NLRC5: variants seen among roughly 807,000 people sequenced by gnomAD.
NLRC5 encodes the protein NLR family CARD domain containing 5.
NLRC5 carries 114 observed loss-of-function variants against 206.9 expected under a neutral mutation model. The ratio of observed to expected loss-of-function variants is 0.55; its 90% CI spans 0.47 to 0.64. The LOEUF is 0.64. Among genes scored for constraint, NLRC5 ranks in the 30% least tolerant of loss-of-function variants. The pLI, the probability that NLRC5 is intolerant of heterozygous loss-of-function variation, is 0.00. For synonymous variants in NLRC5, 952 were observed against 962.8 expected, an observed-to-expected ratio of 0.99 and a Z score of 0.21; for missense variants, 2,008 against 2,305.5, an observed-to-expected ratio of 0.87 and a Z score of 2.64.
rs1213632389 is a variant in NLRC5, at chr16:57,071,043, AGT to A, written c.4667+427_4667+428del. On this transcript the variant is annotated intron_variant, in intron 38 of 48. Coordinates refer to ENST00000688547, the MANE Select transcript of NLRC5 (RefSeq NM_001384950.1). ...GCGTTGGTTAATGGGGAAGGGGGTG[AGT>A]GAGTGGTGATGGTGGTTAATGGGGA... Among the ~76,000 whole-genome samples the A allele has an allele frequency of 5.4e-3, 324 of 60,402 alleles. 47 individuals are homozygous for A. The highest frequency in any genetic ancestry group is 0.014 in the East Asian group (17 of 1,252). The allele number at this position is 60,402 out of a possible 152,430, so 39.6% of individuals were successfully genotyped here. A position where few individuals can be genotyped will look rare whatever the true frequency, so the allele number is the denominator to read the frequency against.
chr16:57,037,110 G>C (rs1365106934), intron 14 of NLRC5, 85 bp from the exon 15 acceptor site: 10 of 1,097,580 alleles, frequency 9.1e-6, no homozygotes, highest in Non-Finnish European at 1.1e-5. Flanking sequence ...CCAGCAAGCT[G>C]CTGAGCCACA....
At chr16:56,993,945 A>G (rs1247728497) in intron 1 of NLRC5, among the ~76,000 whole-genome samples, 2 of 144,590 alleles carry the variant, frequency 1.4e-5, no homozygotes, top group African/African-American at 2.6e-5. Context: ...TATATATGGG[A>G]TGTTTTCCCT....
chr16:57,077,811 C>A lies in NLRC5; in HGVS notation c.5003+9C>A. On this transcript the variant is annotated intron_variant, in intron 42 of 48. Transcript: ENST00000688547. ...CGCCTGGAGGAGTTGATGTGAGTGT[C>A]TGCCCAGGTGGCCTCTGCCCTCTGT... 1.3e-6 allele frequency: 2 copies of A among 1,595,786 alleles called. No individual in the cohort carries two copies. Among genetic ancestry groups the A allele is most frequent in the South Asian group, 1.1e-5 (1 of 88,454 alleles).
rs764525995 is a variant in NLRC5, at chr16:57,031,387, G to C, written c.2418-17G>C. The C allele has an allele frequency of 2.5e-6, 4 of 1,613,826 alleles. No individual in the cohort carries two copies. In the African/African-American group the frequency reaches 5.3e-5, roughly 22 times the overall value. On this transcript the variant is annotated splice_polypyrimidine_tract_variant and intron_variant, in intron 10 of 48. Coordinates refer to ENST00000688547, the MANE Select transcript of NLRC5 (RefSeq NM_001384950.1). ...TTCCAGTCTCTGGGTTTCATGGCTT[G>C]GTATCTGATCCTGCAGGGAGGCGGA...
chr16:57,079,278 G>T lies in NLRC5; in HGVS notation c.5223G>T (p.Leu1741=). 1 of 1,613,406 alleles carries T rather than the reference G, an allele frequency of 6.2e-7. No homozygotes were observed. Among genetic ancestry groups the T allele is most frequent in the Non-Finnish European group, 8.5e-7 (1 of 1,179,992 alleles). ...GVLRFCMELP[L]LRQIDLVSCK... ...TGCGTTTCTGTATGGAGCTCCCGCT[G>T]CTCAGACAGATAGAGTAAGTAGCCT... The change falls in exon 45 of 49, where the codon CTG becomes CTT. Residue 1741 remains leucine (L), a synonymous_variant. Transcript: ENST00000688547.
intron 43 of NLRC5, among the ~76,000 whole-genome samples, chr16:57,078,811 A>G (rs2068764152): frequency 6.6e-6 from 1 of 152,000 alleles, no homozygotes; most frequent in African/African-American, 2.4e-5. Flanking sequence ...CAGGCAAGGG[A>G]ATGAAGGCCA....
intron 19 of NLRC5, 137 bp downstream of exon 19, chr16:57,042,202 T>A: frequency 2.0e-6 from 1 of 501,904 alleles, no homozygotes. Context: ...ACAATGTAAG[T>A]TCTCGGTGAA....
At chr16:57,061,996 G>A (rs573305384) in intron 32 of NLRC5, 124 of 1,462,544 alleles carry the variant, frequency 8.5e-5, no homozygotes, top group Admixed American at 6.6e-4. Context: ...AAACTGAAAC[G>A]AAGTTCTTGT....
chr16:57,079,194 C>T, intron 44 of NLRC5, 27 bp from the exon 45 acceptor site: 4 of 1,614,038 alleles, frequency 2.5e-6, no homozygotes, highest in Non-Finnish European at 3.4e-6. Context: ...GGGGGTTCCT[C>T]TCACAGGTAT....
At position 57,046,482 on chromosome 16, in the gene NLRC5, G is replaced by T. The variant is rs148322798; in HGVS notation, c.3249-70G>T. ...CTTTCTAAACGATCCCCCTCCTAGG[G>T]GTATATGGGCTGGGCTGGGAGTCCG... On this transcript the variant is annotated intron_variant, in intron 21 of 48. Transcript: ENST00000688547. The T allele has an allele frequency of 7.9e-6, 10 of 1,265,190 alleles. No individual in the cohort carries two copies. The African/African-American group carries it at 1.3e-4, about 17-fold the overall frequency. 78.4% of individuals were successfully genotyped at this position (1,265,190 alleles called of 1,614,324 possible). A position where few individuals can be genotyped will look rare whatever the true frequency, so the allele number is the denominator to read the frequency against.
At chr16:57,005,871 G>A (rs2058838399) in intron 1 of NLRC5, among the ~76,000 whole-genome samples, 1 of 151,258 alleles carries the variant, frequency 6.6e-6, no homozygotes, top group Non-Finnish European at 1.5e-5. Context: ...AGTGAGCCAC[G>A]ACCACACCAC....
chr16:57,076,567 A>C (rs556848501), intron 39 of NLRC5, among the ~76,000 whole-genome samples: 13 of 152,342 alleles, frequency 8.5e-5, no homozygotes, highest in African/African-American at 3.1e-4. Flanking sequence ...GTTTCCACCC[A>C]GCCTGCAAGT....
At chr16:57,040,780 C>A in intron 17 of NLRC5, 62 bp downstream of exon 17, 1 of 1,517,832 alleles carries the variant, frequency 6.6e-7, no homozygotes, top group Non-Finnish European at 9.1e-7. Flanking sequence ...CTGCTCAGAG[C>A]CTGCTCCCAA....
intron 21 of NLRC5, among the ~76,000 whole-genome samples, chr16:57,046,218 G>A (rs571857202): frequency 6.6e-6 from 1 of 152,362 alleles, no homozygotes; most frequent in South Asian, 2.1e-4. Flanking sequence ...CAGGGAGGCA[G>A]AAGTCATGTG....
chr16:57,043,865 T>C (rs2063590816), intron 20 of NLRC5: 1 of 542,666 alleles, frequency 1.8e-6, no homozygotes, highest in Non-Finnish European at 3.3e-6. Context: ...TCACTCGTTC[T>C]TTGGATAGTC....
chr16:57,077,754 T>G lies in NLRC5; in HGVS notation c.4955T>G (p.Val1652Gly). The G allele has an allele frequency of 6.2e-7, 1 of 1,602,080 alleles. No individual in the cohort carries two copies. Among genetic ancestry groups the G allele is most frequent in the Non-Finnish European group, 8.5e-7 (1 of 1,173,148 alleles). The change falls in exon 42 of 49, where the codon GTG becomes GGG. Residue 1652 changes from valine to glycine, a missense_variant. Val to Gly is a moderately radical substitution (Grantham distance 109). Coordinates refer to ENST00000688547, the MANE Select transcript of NLRC5 (RefSeq NM_001384950.1). ...SGNSISSAGG[V>G]QLAESLVLCR... ...AATAGCATCAGCTCAGCCGGGGGAGTGCAGTTGGCAGAGTCTCTCGTTCTT... is the reference window on the plus strand; with the variant it reads ...AATAGCATCAGCTCAGCCGGGGGAGGGCAGTTGGCAGAGTCTCTCGTTCTT...
chr16:57,007,858 T>G (rs2059091725), intron 1 of NLRC5, among the ~76,000 whole-genome samples: 1 of 152,256 alleles, frequency 6.6e-6, no homozygotes. Context: ...TATTAAAACA[T>G]TTATACATTT....
At chr16:57,027,458 C>T (rs1466766507) in intron 6 of NLRC5, among the ~76,000 whole-genome samples, 1 of 152,242 alleles carries the variant, frequency 6.6e-6, no homozygotes, top group Admixed American at 6.5e-5. Flanking sequence ...AGAGCAAAGG[C>T]TCAGTGTGCA....
At chr16:57,078,058 G>GGGA in intron 43 of NLRC5, 38 bp downstream of exon 43, 1 of 1,515,724 alleles carries the variant, frequency 6.6e-7, no homozygotes, top group Non-Finnish European at 8.9e-7. Context: ...AGGGCTGGTG[G>GGGA]GGAGGAGGGT....
Sources: gnomAD v4.1 joint callset for allele counts (sites outside exome capture counted in the v4.1 genomes callset) on GRCh38, gnomAD v4.1.1 for gene constraint, MANE v1.5 for transcripts, NCBI Gene and HGNC (gene_info 2026-07-23, HGNC 2026-07-21) for gene names.